Variants in KCNQ1 observed in about 807,000 individuals in gnomAD.
KCNQ1 encodes potassium voltage-gated channel subfamily Q member 1, also known as potassium voltage-gated channel subfamily KQT member 1.
In KCNQ1, 49 loss-of-function variants were observed where a neutral mutation model predicts 72.4. That is an observed-to-expected ratio of 0.68 (90% CI 0.54 to 0.86). The LOEUF is 0.86. Ranked by LOEUF, KCNQ1 falls within the 40% of genes least tolerant of loss-of-function variation. The pLI, the probability that KCNQ1 is intolerant of heterozygous loss-of-function variation, is 0.00. For synonymous variants in KCNQ1, 450 were observed against 412.6 expected (o/e 1.09, Z -1.10); for missense variants, 790 against 945.1 (o/e 0.84, Z 2.15).
intron 10 of KCNQ1, chr11:2,622,080 T>C: frequency 5.0e-6 from 2 of 398,376 alleles, no homozygotes; most frequent in Non-Finnish European, 4.4e-6. Flanking sequence ...CCCACTGTCA[T>C]TTGTCTGAAG....
chr11:2,794,557 C>A (rs1164515264), intron 15 of KCNQ1, among the ~76,000 whole-genome samples: 1 of 152,168 alleles, frequency 6.6e-6, no homozygotes, highest in Non-Finnish European at 1.5e-5. Context: ...GCCCTGAGCC[C>A]AGCCGGGCCC....
chr11:2,674,832 T>TTAAA lies in KCNQ1; in HGVS notation c.1514+12751_1514+12752insTAAA, dbSNP rs776700350. The TTAAA allele has an allele frequency of 3.3e-6, 1 of 303,390 alleles. No homozygotes were observed. The allele number at this position is 303,390 out of a possible 1,614,324, so 18.8% of individuals were successfully genotyped here. Reference sequence around the variant, plus strand: ...GCTTGTCACCCTAATAGCTGTTTTTTAAAAAAAAAAAAAAAAAAAAAAAAA... The same window carrying TTAAA: ...GCTTGTCACCCTAATAGCTGTTTTTTTAAAAAAAAAAAAAAAAAAAAAAAAAAAA... On this transcript the variant is annotated intron_variant, in intron 11 of 15. Transcript: ENST00000155840. This position sits in a 1 kb window ranked among gnomAD's most constrained non-coding sequence, Gnocchi z 5.9.
At chr11:2,834,663 C>A (rs769335358) in intron 15 of KCNQ1, among the ~76,000 whole-genome samples, 1 of 152,188 alleles carries the variant, frequency 6.6e-6, no homozygotes, top group African/African-American at 2.4e-5. Flanking sequence ...GGGTGTGGGG[C>A]TCAGGGCCCC....
chr11:2,729,374 T>C (rs1384394816), intron 11 of KCNQ1, among the ~76,000 whole-genome samples: 1 of 152,200 alleles, frequency 6.6e-6, no homozygotes. Context: ...TGAAAGAAGA[T>C]AGTGAAGTCC....
At chr11:2,489,742 G>A (rs139895669) in intron 1 of KCNQ1, among the ~76,000 whole-genome samples, 2,190 of 152,322 alleles carry the variant, frequency 0.014, 22 homozygotes, top group African/African-American at 0.033. Flanking sequence ...TCAGGCCCTG[G>A]CTCTTGGACA....
chr11:2,500,988 G>A (rs1002569536), intron 1 of KCNQ1, among the ~76,000 whole-genome samples: 2 of 152,136 alleles, frequency 1.3e-5, no homozygotes, highest in African/African-American at 2.4e-5. Flanking sequence ...AAAACTGCAT[G>A]TTCTGCACAT....
In KCNQ1 at chr11:2,621,223, G is replaced by C. The variant is rs951343025; in HGVS notation, c.1393+32369G>C. Reference sequence around the variant, plus strand: ...GAATACCTGACCCCAGATGATCCACGCACCTCAGCCTCCCAAAGTGCTAGG... The same window carrying C: ...GAATACCTGACCCCAGATGATCCACCCACCTCAGCCTCCCAAAGTGCTAGG... On this transcript the variant is annotated intron_variant, in intron 10 of 15. Transcript: ENST00000155840. This position sits in a 1 kb window ranked among gnomAD's most constrained non-coding sequence, Gnocchi z 5.7. 14 of 397,242 alleles carry C rather than the reference G, an allele frequency of 3.5e-5. No homozygotes were observed. The Admixed American group carries it at 4.9e-4, about 14-fold the overall frequency. The allele number at this position is 397,242 out of a possible 1,614,324, so 24.6% of individuals were successfully genotyped here. A position where few individuals can be genotyped will look rare whatever the true frequency, so the allele number is the denominator to read the frequency against.
rs1564823025 is a variant in KCNQ1, at chr11:2,579,000, AC to A, written c.922-4430del. 2.0e-5 allele frequency among the ~76,000 whole-genome samples: 3 copies of A among 151,836 alleles called. No individual in the cohort carries two copies. The South Asian group carries it at 6.2e-4, about 32-fold the overall frequency. On this transcript the variant is annotated intron_variant, in intron 6 of 15. Coordinates refer to ENST00000155840, the MANE Select transcript of KCNQ1 (RefSeq NM_000218.3). ...AGCTGGGGTGTGACACCTCTGGGCT[AC>A]CCCCTCCTCCCGCTCTTGACCACCC...
At chr11:2,556,531 A>G (rs769312469) in intron 2 of KCNQ1, among the ~76,000 whole-genome samples, 7 of 152,206 alleles carry the variant, frequency 4.6e-5, no homozygotes, top group Non-Finnish European at 1.0e-4. Context: ...TAACAGCACA[A>G]AATTGTCTGC....
intron 1 of KCNQ1, among the ~76,000 whole-genome samples, chr11:2,489,846 C>G (rs559486648): frequency 2.0e-5 from 3 of 152,286 alleles, no homozygotes; most frequent in African/African-American, 7.2e-5. Flanking sequence ...CTAAAGAGCC[C>G]TTGGACCCTG....
chr11:2,752,420 T>G lies in KCNQ1; in HGVS notation c.1515-16424T>G, dbSNP rs1846240980. On this transcript the variant is annotated intron_variant, in intron 11 of 15. Coordinates refer to ENST00000155840, the MANE Select transcript of KCNQ1 (RefSeq NM_000218.3). This position sits in a 1 kb window ranked among gnomAD's most constrained non-coding sequence, Gnocchi z 5.2. ...CCAGGTGGTCTCTCGGGGGGTCCGA[T>G]GGGATACCTAGTGTCTTAATCTGTT... 6.6e-6 allele frequency among the ~76,000 whole-genome samples: 1 copy of G among 152,112 alleles called. No homozygotes were observed. Among genetic ancestry groups the G allele is most frequent in the Non-Finnish European group, 1.5e-5 (1 of 68,020 alleles).
chr11:2,489,534 T>C (rs920702902), intron 1 of KCNQ1, among the ~76,000 whole-genome samples: 2 of 141,726 alleles, frequency 1.4e-5, no homozygotes, highest in African/African-American at 5.8e-5. Flanking sequence ...AGCCAGTGGA[T>C]GTGGGGGGCA....
At chr11:2,700,895 C>T (rs1016776455) in intron 11 of KCNQ1, among the ~76,000 whole-genome samples, 3 of 152,332 alleles carry the variant, frequency 2.0e-5, no homozygotes, top group South Asian at 4.1e-4. Flanking sequence ...ACTCCGGGGA[C>T]AAAAGCCTGG....
In KCNQ1 at chr11:2,484,428, G is replaced by A. The variant is rs779216858; in HGVS notation, c.386+38944G>A. Among the ~76,000 whole-genome samples, 5 of 152,178 alleles carry A rather than the reference G, an allele frequency of 3.3e-5. No individual in the cohort carries two copies. The highest frequency in any genetic ancestry group is 5.9e-5 in the Non-Finnish European group (4 of 68,020). On this transcript the variant is annotated intron_variant, in intron 1 of 15. Coordinates refer to ENST00000155840, the MANE Select transcript of KCNQ1 (RefSeq NM_000218.3). This position sits in a 1 kb window ranked among gnomAD's most constrained non-coding sequence, Gnocchi z 5.2. Reference sequence around the variant, plus strand: ...GATCCACCCGCCTTGGCCTCCCAAAGTGCAGGGATTACAGGTGTGAGCCAC... The same window carrying A: ...GATCCACCCGCCTTGGCCTCCCAAAATGCAGGGATTACAGGTGTGAGCCAC...
chr11:2,692,295 C>T (rs1224412535), intron 11 of KCNQ1: 3 of 398,904 alleles, frequency 7.5e-6, no homozygotes, highest in Non-Finnish European at 8.8e-6. Context: ...AGGTTCCCTG[C>T]TTCCCTCCAT....
intron 1 of KCNQ1, among the ~76,000 whole-genome samples, chr11:2,513,267 G>A (rs1449118750): frequency 1.3e-5 from 2 of 152,138 alleles, no homozygotes; most frequent in Non-Finnish European, 2.9e-5. Context: ...GCTCTTCTTG[G>A]CTGTTCCCTG....
At chr11:2,636,090 A>G (rs972862598) in intron 10 of KCNQ1, 1 of 152,192 alleles carries the variant, frequency 6.6e-6, no homozygotes, top group African/African-American at 2.4e-5. Context: ...TTGGGCTGAG[A>G]TGATGGGGTT....
chr11:2,540,605 A>G (rs1847808699), intron 2 of KCNQ1, among the ~76,000 whole-genome samples: 3 of 152,246 alleles, frequency 2.0e-5, no homozygotes, highest in Admixed American at 2.0e-4. Flanking sequence ...AGCTGGCCTC[A>G]GGAGGAGTGG....
chr11:2,572,893 C>T lies in KCNQ1; in HGVS notation c.828C>T (p.Ser276=), dbSNP rs1275702103. 1.2e-6 allele frequency: 2 copies of T among 1,613,870 alleles called. No individual in the cohort carries two copies. Among genetic ancestry groups the T allele is most frequent in the East Asian group, 2.2e-5 (1 of 44,888 alleles). The change falls in exon 6 of 16, where the codon TCC becomes TCT. Residue 276 remains serine (S), a synonymous_variant. Coordinates refer to ENST00000155840, the MANE Select transcript of KCNQ1 (RefSeq NM_000218.3). ...TCGGCTTCCTGGGCCTCATCTTCTCCTCGTACTTTGTGTACCTGGCTGAGA... is the reference window on the plus strand; with the variant it reads ...TCGGCTTCCTGGGCCTCATCTTCTCTTCGTACTTTGTGTACCTGGCTGAGA... The part of the protein sequence containing the change: ...LYIGFLGLIF[S]SYFVYLAEKD...
Sources: allele counts gnomAD v4.1 joint callset (sites outside exome capture counted in the v4.1 genomes callset), GRCh38; gene constraint gnomAD v4.1.1; non-coding constraint Gnocchi (gnomAD v3.1); transcripts MANE v1.5; gene names NCBI Gene and HGNC (gene_info 2026-07-23, HGNC 2026-07-21).